PRKCQ: variants seen among roughly 807,000 people sequenced by gnomAD.
PRKCQ encodes protein kinase C theta type.
A neutral mutation model predicts 91.2 loss-of-function variants in PRKCQ; 41 were observed. The ratio of observed to expected loss-of-function variants is 0.45; its 90% CI spans 0.35 to 0.58. The LOEUF (loss-of-function observed/expected upper bound fraction) is 0.58. Ranked by LOEUF, PRKCQ falls within the 20% of genes least tolerant of loss-of-function variation. The pLI is 0.00. For synonymous variants in PRKCQ, 307 were observed against 316.9 expected (o/e 0.97, Z 0.33); for missense variants, 673 against 896.5 (o/e 0.75, Z 3.18).
chr10:6,494,491 A>G (rs2130810808), intron 7 of PRKCQ, among the ~76,000 whole-genome samples: 1 of 152,120 alleles, frequency 6.6e-6, no homozygotes, highest in South Asian at 2.1e-4. Flanking sequence ...GGTCAATCAG[A>G]CTAATGCCTC....
chr10:6,402,415 C>T, the PRKCQ span, among the ~76,000 whole-genome samples: 1 of 145,656 alleles, frequency 6.9e-6, no homozygotes, highest in Admixed American at 6.9e-5. Context: ...TCTATTCCTT[C>T]CGCTCTTTCC....
At chr10:6,402,421 T>C in the PRKCQ span, among the ~76,000 whole-genome samples, 2 of 148,250 alleles carry the variant, frequency 1.3e-5, no homozygotes, top group East Asian at 3.9e-4. Flanking sequence ...CCTTCCGCTC[T>C]TTCCTCCCTC....
At chr10:6,462,643 A>T (rs1284099157) in intron 13 of PRKCQ, among the ~76,000 whole-genome samples, 1 of 152,226 alleles carries the variant, frequency 6.6e-6, no homozygotes, top group East Asian at 1.9e-4. Context: ...ATTTTAAACA[A>T]TAATGCTCAC....
intron 1 of PRKCQ, among the ~76,000 whole-genome samples, chr10:6,530,759 G>A (rs1293162803): frequency 6.6e-6 from 1 of 152,210 alleles, no homozygotes; most frequent in Non-Finnish European, 1.5e-5. Context: ...TTGGGGTTTA[G>A]AATCCACAGA....
intron 1 of PRKCQ, among the ~76,000 whole-genome samples, chr10:6,550,864 C>A (rs914569795): frequency 6.6e-6 from 1 of 152,164 alleles, no homozygotes; most frequent in African/African-American, 2.4e-5. Context: ...ACGTCTTCAC[C>A]AACACTTGTT....
At position 6,491,739 on chromosome 10, in the gene PRKCQ, C is replaced by T. The variant is rs2130803568; in HGVS notation, c.734G>A (p.Cys245Tyr). The T allele has an allele frequency of 6.2e-7, 1 of 1,614,198 alleles. No homozygotes were observed. Among genetic ancestry groups the T allele is most frequent in the Middle Eastern group, 1.6e-4 (1 of 6,062 alleles). The change falls in exon 8 of 18, where the codon TGT (cysteine) becomes TAT (tyrosine). Residue 245 changes from cysteine to tyrosine, a missense_variant. Cys to Tyr is a radical substitution (Grantham distance 194, BLOSUM62 -2). Coordinates refer to ENST00000263125, the MANE Select transcript of PRKCQ (RefSeq NM_006257.5). ...KVYNYKSPTF[C>Y]EHCGTLLWGL... is the part of the protein sequence containing the mutation. ...CCACAGCAGGGTCCCACAGTGTTCA[C>T]AGAAGGTCGGGCTCTTGTAATTGTA...
chr10:6,414,115 C>G, the PRKCQ span, among the ~76,000 whole-genome samples: 1 of 152,298 alleles, frequency 6.6e-6, no homozygotes, highest in Non-Finnish European at 1.5e-5. Flanking sequence ...CTCAAGGTGA[C>G]TCCGGAAGGT....
At chr10:6,508,031 G>A (rs1246251893) in intron 3 of PRKCQ, among the ~76,000 whole-genome samples, 1 of 152,182 alleles carries the variant, frequency 6.6e-6, no homozygotes, top group African/African-American at 2.4e-5. Flanking sequence ...GTATTTTTAG[G>A]AAAGTCTTGG....
intron 11 of PRKCQ, among the ~76,000 whole-genome samples, chr10:6,482,318 G>T (rs1345280570): frequency 6.6e-6 from 1 of 152,150 alleles, no homozygotes; most frequent in Non-Finnish European, 1.5e-5. Context: ...GAAAATTTAA[G>T]CAGAGTGTGG....
intron 15 of PRKCQ, among the ~76,000 whole-genome samples, chr10:6,449,011 T>C (rs1193755981): frequency 6.6e-6 from 1 of 152,058 alleles, no homozygotes; most frequent in Non-Finnish European, 1.5e-5. Context: ...CTGGAAACTC[T>C]AAAAAGCAGA....
chr10:6,412,542 C>T, the PRKCQ span, among the ~76,000 whole-genome samples: 2 of 152,060 alleles, frequency 1.3e-5, no homozygotes, highest in Non-Finnish European at 2.9e-5. Context: ...GATGTTAGAA[C>T]AAACAGCTCA....
At chr10:6,435,367 G>A (rs995087133) in intron 16 of PRKCQ, among the ~76,000 whole-genome samples, 3 of 152,226 alleles carry the variant, frequency 2.0e-5, no homozygotes, top group African/African-American at 4.8e-5. Flanking sequence ...ACGTTTCTGA[G>A]AAAGGGCATT....
chr10:6,400,939 T>G, the PRKCQ span, among the ~76,000 whole-genome samples: 1 of 152,342 alleles, frequency 6.6e-6, no homozygotes, highest in East Asian at 1.9e-4. Flanking sequence ...TTTTAGAGCT[T>G]ACTGTCTTCT....
intron 12 of PRKCQ, among the ~76,000 whole-genome samples, chr10:6,472,034 C>T (rs1211682803): frequency 6.6e-6 from 1 of 152,198 alleles, no homozygotes; most frequent in East Asian, 1.9e-4. Flanking sequence ...AGGGGCCGGG[C>T]GCGGTGGCTC....
At chr10:6,406,486 T>C in the PRKCQ span, among the ~76,000 whole-genome samples, 47 of 152,314 alleles carry the variant, frequency 3.1e-4, 2 homozygotes, top group South Asian at 1.9e-3. Context: ...GAATTTGTTG[T>C]ATGGTACTGA....
chr10:6,551,843 G>C (rs895797139), intron 1 of PRKCQ, among the ~76,000 whole-genome samples: 3 of 152,218 alleles, frequency 2.0e-5, no homozygotes, highest in Non-Finnish European at 4.4e-5. Flanking sequence ...CCCAGTAATG[G>C]GATTCCTGGG....
At chr10:6,483,717 G>C in intron 10 of PRKCQ, 117 bp from the exon 11 acceptor site, 2 of 1,245,332 alleles carry the variant, frequency 1.6e-6, no homozygotes, top group Non-Finnish European at 1.1e-6. Flanking sequence ...ATAGTAATTG[G>C]GGGTGTTTAG....
chr10:6,535,698 G>A (rs958401295), intron 1 of PRKCQ, among the ~76,000 whole-genome samples: 6 of 152,022 alleles, frequency 3.9e-5, no homozygotes, highest in African/African-American at 9.7e-5. Flanking sequence ...AAAACAGCCC[G>A]TGTCCACCTC....
At chr10:6,548,790 C>G (rs946421330) in intron 1 of PRKCQ, among the ~76,000 whole-genome samples, 11 of 151,328 alleles carry the variant, frequency 7.3e-5, no homozygotes, top group African/African-American at 2.4e-4. Context: ...GCTAAATGAC[C>G]AGTTAATGGG....
Sources: gnomAD v4.1 joint callset for allele counts (sites outside exome capture counted in the v4.1 genomes callset) on GRCh38, gnomAD v4.1.1 for gene constraint, MANE v1.5 for transcripts, NCBI Gene and HGNC (gene_info 2026-07-23, HGNC 2026-07-21) for gene names.